CDH2: variants seen among roughly 807,000 people sequenced by gnomAD.
CDH2 encodes the protein cadherin 2, also known as cadherin-2.
Under a neutral mutation model 92.0 loss-of-function variants are expected in CDH2, and 17 were observed. The ratio of observed to expected loss-of-function variants is 0.18; its 90% CI spans 0.13 to 0.28. The LOEUF is 0.28. CDH2 is among the 10% of genes least tolerant of loss of function. The pLI, the probability that CDH2 is intolerant of heterozygous loss-of-function variation, is 1.00. For missense variants in CDH2, 862 were observed against 1,133.1 expected, an observed-to-expected ratio of 0.76 and a Z score of 3.44; for synonymous variants, 419 against 415.9, an observed-to-expected ratio of 1.01 and a Z score of -0.09.
intron 6 of CDH2, among the ~76,000 whole-genome samples, chr18:27,940,215 A>T (rs1909105226): frequency 2.0e-5 from 3 of 152,138 alleles, no homozygotes; most frequent in Admixed American, 6.5e-5. Flanking sequence ...ACAGGTTCTT[A>T]ATTAGTGTTC....
chr18:28,152,759 G>C (rs1425986174), intron 1 of CDH2, among the ~76,000 whole-genome samples: 2 of 152,150 alleles, frequency 1.3e-5, no homozygotes, highest in Non-Finnish European at 2.9e-5. Flanking sequence ...AGAATTCTCT[G>C]ATAGTTTTGT....
intron 2 of CDH2, among the ~76,000 whole-genome samples, chr18:28,057,177 T>C (rs1243355021): frequency 1.3e-5 from 2 of 152,200 alleles, no homozygotes; most frequent in East Asian, 3.9e-4. Context: ...TACAAGTTTC[T>C]GATAATTTTA....
At chr18:28,010,989 A>T (rs1413605555) in intron 4 of CDH2, among the ~76,000 whole-genome samples, 1 of 150,352 alleles carries the variant, frequency 6.7e-6, no homozygotes, top group Non-Finnish European at 1.5e-5. Context: ...CTCAAACTTC[A>T]TTAAAGTAGA....
intron 2 of CDH2, among the ~76,000 whole-genome samples, chr18:28,132,111 T>C (rs1453408089): frequency 6.6e-6 from 1 of 152,216 alleles, no homozygotes; most frequent in Non-Finnish European, 1.5e-5. Context: ...AAGGTGATAC[T>C]TCCCCTTTCT....
chr18:28,112,704 AAACAACAAC>A (rs375635279), intron 2 of CDH2, among the ~76,000 whole-genome samples: 2 of 152,096 alleles, frequency 1.3e-5, no homozygotes, highest in East Asian at 1.9e-4. Context: ...GAAAAGAGAA[AAACAACAAC>A]AACAACAACA....
intron 2 of CDH2, among the ~76,000 whole-genome samples, chr18:28,026,052 A>T (rs1337003502): frequency 3.9e-5 from 6 of 152,194 alleles, no homozygotes; most frequent in Non-Finnish European, 8.8e-5. Flanking sequence ...TGGGCCAGTC[A>T]ATGCTTTATG....
At chr18:27,973,666 C>T (rs952457767) in intron 14 of CDH2, among the ~76,000 whole-genome samples, 1 of 152,218 alleles carries the variant, frequency 6.6e-6, no homozygotes, top group Non-Finnish European at 1.5e-5. Context: ...AGTACCTAAC[C>T]TGGGTTTGTT....
chr18:28,133,115 T>A (rs11564380), intron 2 of CDH2, among the ~76,000 whole-genome samples: 32,904 of 152,078 alleles, frequency 0.22, 3,998 homozygotes, highest in Middle Eastern at 0.36. Context: ...TTCAGGCAAA[T>A]CCTATGGAGA....
At chr18:27,980,318 T>A (rs1159242513) in intron 14 of CDH2, among the ~76,000 whole-genome samples, 1 of 152,052 alleles carries the variant, frequency 6.6e-6, no homozygotes, top group Non-Finnish European at 1.5e-5. Context: ...AGAGCTGTCA[T>A]GCTAAGGAAG....
intron 2 of CDH2, among the ~76,000 whole-genome samples, chr18:28,113,872 G>A (rs560507867): frequency 6.6e-6 from 1 of 152,190 alleles, no homozygotes; most frequent in African/African-American, 2.4e-5. Context: ...CTCCCAAGAG[G>A]CACAATGAAA....
intron 2 of CDH2, among the ~76,000 whole-genome samples, chr18:28,066,916 C>A (rs2014519159): frequency 6.6e-6 from 1 of 152,002 alleles, no homozygotes; most frequent in Admixed American, 6.6e-5. Flanking sequence ...CAAAATAAAA[C>A]CCTAAAATAA....
chr18:28,146,525 C>A (rs2016037223), intron 2 of CDH2: 1 of 151,976 alleles, frequency 6.6e-6, no homozygotes, highest in African/African-American at 2.4e-5. Flanking sequence ...GAGGCAGGGA[C>A]AAGAGAATGC....
At chr18:28,024,805 C>T (rs1044352061) in intron 2 of CDH2, among the ~76,000 whole-genome samples, 45 of 151,332 alleles carry the variant, frequency 3.0e-4, no homozygotes, top group African/African-American at 1.0e-3. Context: ...TTATTGATTT[C>T]CATCAATAAT....
At chr18:27,935,402 C>T (rs1194363478) in intron 6 of CDH2, among the ~76,000 whole-genome samples, 1 of 152,150 alleles carries the variant, frequency 6.6e-6, no homozygotes, top group Non-Finnish European at 1.5e-5. Flanking sequence ...TATGAGAACT[C>T]TATCACAAGA....
At chr18:27,975,102 A>T (rs2011782572) in intron 14 of CDH2, among the ~76,000 whole-genome samples, 1 of 152,144 alleles carries the variant, frequency 6.6e-6, no homozygotes, top group Non-Finnish European at 1.5e-5. Flanking sequence ...GGAATGGGAA[A>T]CCTATATAGT....
intron 7 of CDH2, among the ~76,000 whole-genome samples, chr18:27,996,497 C>T (rs766982089): frequency 6.6e-5 from 10 of 152,192 alleles, no homozygotes; most frequent in Admixed American, 3.3e-4. Context: ...ATGCAGCTTA[C>T]AAGTCACTTT....
chr18:28,022,895 A>G (rs1347746478), intron 2 of CDH2, among the ~76,000 whole-genome samples: 5 of 152,088 alleles, frequency 3.3e-5, no homozygotes, highest in African/African-American at 1.2e-4. Context: ...TGGCCTTTGC[A>G]ATTTTCAATT....
intron 2 of CDH2, among the ~76,000 whole-genome samples, chr18:28,051,714 A>C (rs1000123319): frequency 6.6e-6 from 1 of 152,114 alleles, no homozygotes; most frequent in African/African-American, 2.4e-5. Flanking sequence ...ACATCCTATA[A>C]GGACAGCTAA....
At chr18:28,170,965 G>T (rs62103146) in intron 1 of CDH2, among the ~76,000 whole-genome samples, 1 of 150,818 alleles carries the variant, frequency 6.6e-6, no homozygotes, top group Non-Finnish European at 1.5e-5. Context: ...GCAGTGGCTC[G>T]TGTCTGTAAT....
Sources: allele counts gnomAD v4.1 joint callset (sites outside exome capture counted in the v4.1 genomes callset), GRCh38; gene constraint gnomAD v4.1.1; transcripts MANE v1.5; gene names NCBI Gene and HGNC (gene_info 2026-07-23, HGNC 2026-07-21).